The following SEMA6D variants were observed in gnomAD, a reference collection of about 807,000 sequenced individuals.
SEMA6D encodes the protein semaphorin 6D.
A neutral mutation model predicts 106.6 loss-of-function variants in SEMA6D; 35 were observed. That is an observed-to-expected ratio of 0.33 (90% CI 0.25 to 0.44). The LOEUF is 0.44. SEMA6D is among the 20% of genes least tolerant of loss of function. SEMA6D has a pLI of 1.00. For synonymous variants in SEMA6D, 499 were observed against 487.7 expected, an observed-to-expected ratio of 1.02 and a Z score of -0.31; for missense variants, 1,185 against 1,345.9, an observed-to-expected ratio of 0.88 and a Z score of 1.87.
intron 1 of SEMA6D, among the ~76,000 whole-genome samples, chr15:47,364,966 T>G (rs950691352): frequency 2.0e-5 from 3 of 152,218 alleles, no homozygotes; most frequent in Non-Finnish European, 4.4e-5. Context: ...GAAATTACCC[T>G]TATCTTTATC....
intron 1 of SEMA6D, among the ~76,000 whole-genome samples, chr15:47,217,522 G>C (rs1055873775): frequency 6.6e-6 from 1 of 151,544 alleles, no homozygotes; most frequent in African/African-American, 2.4e-5. Flanking sequence ...GATGTAGAAA[G>C]AGTTCTAAGA....
At chr15:47,545,317 C>T (rs2045486602) in intron 3 of SEMA6D, among the ~76,000 whole-genome samples, 1 of 152,206 alleles carries the variant, frequency 6.6e-6, no homozygotes, top group Middle Eastern at 3.4e-3. Context: ...TGGGTGAATA[C>T]AATGGGCACT....
intron 4 of SEMA6D, among the ~76,000 whole-genome samples, chr15:47,634,846 C>G (rs868397759): frequency 3.9e-5 from 6 of 152,110 alleles, no homozygotes; most frequent in Non-Finnish European, 8.8e-5. Context: ...TTCAACTTCC[C>G]GCTTGCCCCA....
At chr15:47,564,228 T>G (rs2046163131) in intron 3 of SEMA6D, among the ~76,000 whole-genome samples, 1 of 152,212 alleles carries the variant, frequency 6.6e-6, no homozygotes, top group Non-Finnish European at 1.5e-5. Context: ...TATACAAGCT[T>G]ACCCGCCATC....
chr15:47,361,385 GA>G (rs1251727042), intron 1 of SEMA6D, among the ~76,000 whole-genome samples: 3 of 152,188 alleles, frequency 2.0e-5, no homozygotes, highest in Non-Finnish European at 4.4e-5. Context: ...TCAAAAGGGG[GA>G]AAATAGCATC....
chr15:47,365,306 G>C (rs562932170), intron 1 of SEMA6D, among the ~76,000 whole-genome samples: 1 of 152,086 alleles, frequency 6.6e-6, no homozygotes, highest in Non-Finnish European at 1.5e-5. Flanking sequence ...CTCTTCCTGG[G>C]GTTTGAAGTT....
intron 2 of SEMA6D, among the ~76,000 whole-genome samples, chr15:47,436,400 A>G (rs2041703808): frequency 6.6e-6 from 1 of 151,824 alleles, no homozygotes; most frequent in Non-Finnish European, 1.5e-5. Context: ...CACAAAAAAA[A>G]AAAAGAAAAA....
intron 1 of SEMA6D, among the ~76,000 whole-genome samples, chr15:47,306,311 T>C (rs2036231057): frequency 1.3e-5 from 2 of 152,274 alleles, no homozygotes; most frequent in South Asian, 4.1e-4. Context: ...TAGCTGGCTC[T>C]GGTATTAAGG....
intron 2 of SEMA6D, among the ~76,000 whole-genome samples, chr15:47,417,900 A>G (rs763740456): frequency 1.3e-5 from 2 of 151,774 alleles, no homozygotes; most frequent in African/African-American, 4.8e-5. Flanking sequence ...TGTTTTGTGT[A>G]TTGGGGATAC....
chr15:47,195,878 C>T (rs934833902), intron 1 of SEMA6D, among the ~76,000 whole-genome samples: 26 of 152,096 alleles, frequency 1.7e-4, no homozygotes, highest in African/African-American at 6.3e-4. Context: ...AGAGGAAAGG[C>T]TCACCTACAG....
intron 1 of SEMA6D, among the ~76,000 whole-genome samples, chr15:47,240,712 A>G (rs62013992): frequency 0.012 from 1,785 of 152,274 alleles, 34 homozygotes; most frequent in Admixed American, 0.012. Flanking sequence ...TGCCTTGACT[A>G]TGCAGAAAAG....
intron 1 of SEMA6D, among the ~76,000 whole-genome samples, chr15:47,195,052 T>G (rs1291268051): frequency 6.6e-6 from 1 of 152,210 alleles, no homozygotes; most frequent in Non-Finnish European, 1.5e-5. Context: ...AAGAATCATT[T>G]CCAGATGCCT....
intron 1 of SEMA6D, among the ~76,000 whole-genome samples, chr15:47,752,995 C>G (rs564017882): frequency 6.8e-6 from 1 of 147,324 alleles, no homozygotes; most frequent in East Asian, 2.2e-4. Flanking sequence ...GGCAACAGAG[C>G]AAGACACTGT....
chr15:47,496,167 T>C lies in SEMA6D; in HGVS notation c.-87+25622T>C, dbSNP rs543683118. ...AACACTGGAGCTAATTTATATACTT[T>C]CAGATCCAATATTTTCTCTAGCTGG... is the stretch of plus-strand genomic sequence containing the variant. On this transcript the variant is annotated intron_variant, in intron 3 of 19. Transcript: ENST00000558014. Among the ~76,000 whole-genome samples the C allele has an allele frequency of 1.1e-3, 174 of 152,190 alleles. 7 individuals are homozygous for C. The South Asian group carries it at 0.034, about 30-fold the overall frequency.
At chr15:47,410,019 C>T (rs2040734354) in intron 1 of SEMA6D, among the ~76,000 whole-genome samples, 1 of 152,080 alleles carries the variant, frequency 6.6e-6, no homozygotes, top group Non-Finnish European at 1.5e-5. Flanking sequence ...CAGGGTCTGA[C>T]TCTGTCGTCC....
At chr15:47,382,041 A>G (rs2039656359) in intron 1 of SEMA6D, among the ~76,000 whole-genome samples, 1 of 152,208 alleles carries the variant, frequency 6.6e-6, no homozygotes, top group African/African-American at 2.4e-5. Flanking sequence ...TCTTCTTGGC[A>G]AGGAACCATT....
chr15:47,333,088 G>T (rs1289173317), intron 1 of SEMA6D, among the ~76,000 whole-genome samples: 1 of 152,160 alleles, frequency 6.6e-6, no homozygotes, highest in Admixed American at 6.5e-5. Flanking sequence ...GTTGTGTATT[G>T]TTTTTACTGG....
intron 1 of SEMA6D, among the ~76,000 whole-genome samples, chr15:47,224,878 C>T (rs933877528): frequency 6.6e-6 from 1 of 151,844 alleles, no homozygotes; most frequent in Non-Finnish European, 1.5e-5. Context: ...CTTGGTTGTT[C>T]CCTCTCCTTT....
chr15:47,475,243 T>A (rs2071283652), intron 3 of SEMA6D, among the ~76,000 whole-genome samples: 1 of 152,198 alleles, frequency 6.6e-6, no homozygotes, highest in South Asian at 2.1e-4. Flanking sequence ...TCGAGCCCTG[T>A]TTGTGTGCCA....
Sources: allele counts gnomAD v4.1 joint callset (sites outside exome capture counted in the v4.1 genomes callset), GRCh38; gene constraint gnomAD v4.1.1; transcripts MANE v1.5; gene names NCBI Gene and HGNC (gene_info 2026-07-23, HGNC 2026-07-21).